HDAC9: variants seen among roughly 807,000 people sequenced by gnomAD.
HDAC9 encodes the protein MEF-2 interacting transcription repressor (MITR) protein.
Under a neutral mutation model 139.4 loss-of-function variants are expected in HDAC9, and 41 were observed. The observed-to-expected ratio is 0.29, with a 90% CI of 0.23 to 0.38. HDAC9 has a LOEUF of 0.38. HDAC9 is among the 10% of genes least tolerant of loss of function. The pLI is 1.00. For synonymous variants in HDAC9, 517 were observed against 476.2 expected (o/e 1.09, Z -1.12); for missense variants, 1,147 against 1,297.0 (o/e 0.88, Z 1.78).
chr7:18,721,980 G>A (rs1175285873), intron 12 of HDAC9, among the ~76,000 whole-genome samples: 1 of 152,160 alleles, frequency 6.6e-6, no homozygotes, highest in Non-Finnish European at 1.5e-5. Context: ...GGGCCACAAA[G>A]GCATTGATGT....
chr7:18,839,634 G>GA (rs753658220), intron 21 of HDAC9, among the ~76,000 whole-genome samples: 9 of 152,056 alleles, frequency 5.9e-5, no homozygotes, highest in Non-Finnish European at 7.4e-5. Context: ...AAGTCTGAGG[G>GA]AACTACCTTG....
intron 2 of HDAC9, among the ~76,000 whole-genome samples, chr7:18,266,145 C>T (rs1234383507): frequency 1.3e-5 from 2 of 152,134 alleles, no homozygotes; most frequent in Non-Finnish European, 2.9e-5. Flanking sequence ...CAAATGCTGA[C>T]ACACTTCATT....
At chr7:18,376,090 C>T (rs1259173168) in intron 1 of HDAC9, among the ~76,000 whole-genome samples, 3 of 151,888 alleles carry the variant, frequency 2.0e-5, no homozygotes, top group Non-Finnish European at 4.4e-5. Context: ...CCCTTCTGAG[C>T]CAGAGGGCAG....
intron 2 of HDAC9, among the ~76,000 whole-genome samples, chr7:18,180,409 T>G (rs1789327726): frequency 6.6e-6 from 1 of 152,096 alleles, no homozygotes; most frequent in Admixed American, 6.6e-5. Context: ...GATTTTCTTT[T>G]TTCTTTTTTT....
In HDAC9 at chr7:18,249,865, T is replaced by G. The variant is rs1794809124; in HGVS notation, c.25+87516T>G. 2.6e-5 allele frequency among the ~76,000 whole-genome samples: 4 copies of G among 152,194 alleles called. No individual in the cohort carries two copies. In the South Asian group the frequency reaches 8.3e-4, roughly 32 times the overall value. On this transcript the variant is annotated intron_variant, in intron 2 of 12. Coordinates refer to the HDAC9 transcript ENST00000417496. ...ACTTAGATGAGAAGTTGTAAATATC[T>G]TTAAAATAAGGGTTTAATTAATTAT...
chr7:18,347,467 A>G (rs1200411301), intron 1 of HDAC9, among the ~76,000 whole-genome samples: 2 of 152,216 alleles, frequency 1.3e-5, no homozygotes, highest in African/African-American at 4.8e-5. Flanking sequence ...TTAGATTTCT[A>G]CCACTAATGG....
At chr7:18,548,315 A>T (rs1045031058) in intron 2 of HDAC9, among the ~76,000 whole-genome samples, 1 of 152,116 alleles carries the variant, frequency 6.6e-6, no homozygotes, top group African/African-American at 2.4e-5. Flanking sequence ...TTACCCTAAC[A>T]GATATAATAA....
intron 21 of HDAC9, among the ~76,000 whole-genome samples, chr7:18,871,528 T>C (rs1486230478): frequency 6.6e-6 from 1 of 152,224 alleles, no homozygotes; most frequent in Non-Finnish European, 1.5e-5. Flanking sequence ...TGAGTTCGTA[T>C]GTATCTTCCT....
chr7:18,859,357 T>G (rs562405654), intron 21 of HDAC9, among the ~76,000 whole-genome samples: 1 of 152,080 alleles, frequency 6.6e-6, no homozygotes, highest in Non-Finnish European at 1.5e-5. Flanking sequence ...TATGAATACA[T>G]GTAACACTCC....
chr7:18,720,400 CAA>C (rs1309120192), intron 12 of HDAC9, among the ~76,000 whole-genome samples: 2 of 150,284 alleles, frequency 1.3e-5, no homozygotes, highest in Non-Finnish European at 3.0e-5. Context: ...ATTAAGTTCC[CAA>C]TTTATAGTCT....
intron 1 of HDAC9, among the ~76,000 whole-genome samples, chr7:18,465,082 C>G (rs1340995855): frequency 1.3e-5 from 2 of 151,922 alleles, no homozygotes; most frequent in Admixed American, 1.3e-4. Flanking sequence ...ATTTGTAGAG[C>G]TTTTTTAGTT....
At chr7:18,829,265 G>A (rs369308996) in intron 18 of HDAC9, 49 bp downstream of exon 18, 16 of 1,425,860 alleles carry the variant, frequency 1.1e-5, no homozygotes, top group South Asian at 8.0e-5. Context: ...GGTTCCTGGC[G>A]GTCACCTGCC....
chr7:18,382,854 G>T (rs1785561158), intron 1 of HDAC9, among the ~76,000 whole-genome samples: 2 of 152,220 alleles, frequency 1.3e-5, no homozygotes, highest in South Asian at 4.1e-4. Context: ...AGGAAGTATA[G>T]AACATGAAAT....
rs370858762 is a variant in HDAC9, at chr7:18,443,865, CAT to C, written c.-41-52391_-41-52390del. ...ACATTTGTATATACATTTGTATAAACATATATACATTTGTATAACATTTGTAT... is the reference window on the plus strand; with the variant it reads ...ACATTTGTATATACATTTGTATAAACATATACATTTGTATAACATTTGTAT... On this transcript the variant is annotated intron_variant, in intron 1 of 3. Transcript: ENST00000413509. Among the ~76,000 whole-genome samples, 57 of 150,972 alleles carry C rather than the reference CAT, an allele frequency of 3.8e-4. No homozygotes were observed. In the East Asian group the frequency reaches 9.5e-3, roughly 25 times the overall value.
At chr7:18,436,611 G>T (rs1258623032) in intron 1 of HDAC9, among the ~76,000 whole-genome samples, 1 of 152,210 alleles carries the variant, frequency 6.6e-6, no homozygotes, top group Non-Finnish European at 1.5e-5. Context: ...GGGAAAGTGT[G>T]TAAAACATTT....
At chr7:18,185,760 A>G (rs577843361) in intron 2 of HDAC9, among the ~76,000 whole-genome samples, 4 of 152,330 alleles carry the variant, frequency 2.6e-5, no homozygotes, top group African/African-American at 7.2e-5. Flanking sequence ...TTCCAAATGA[A>G]TAATTTAAAA....
chr7:18,744,013 T>C (rs1032271124), intron 13 of HDAC9, among the ~76,000 whole-genome samples: 3 of 82,518 alleles, frequency 3.6e-5, no homozygotes, highest in African/African-American at 8.0e-5. Flanking sequence ...TTACTACTAG[T>C]TTTTTTTTTT....
At chr7:18,600,609 C>T (rs1276191892) in intron 6 of HDAC9, among the ~76,000 whole-genome samples, 1 of 152,110 alleles carries the variant, frequency 6.6e-6, no homozygotes, top group Non-Finnish European at 1.5e-5. Flanking sequence ...TATTTCTGGG[C>T]TCTCTATTCT....
intron 23 of HDAC9, among the ~76,000 whole-genome samples, chr7:18,937,969 GT>G (rs1378614650): frequency 6.6e-6 from 1 of 152,180 alleles, no homozygotes; most frequent in Non-Finnish European, 1.5e-5. Context: ...AAATGATTAT[GT>G]TTCAGAACAG....
Sources: gnomAD v4.1 joint callset for allele counts (sites outside exome capture counted in the v4.1 genomes callset) on GRCh38, gnomAD v4.1.1 for gene constraint, MANE v1.5 for transcripts, NCBI Gene and HGNC (gene_info 2026-07-23, HGNC 2026-07-21) for gene names.